The following GJA3 variants were observed in gnomAD, a reference collection of about 807,000 sequenced individuals.
GJA3 encodes gap junction alpha-3 protein.
For missense variants in GJA3, 571 were observed against 620.3 expected (o/e 0.92, Z 0.84); for synonymous variants, 297 against 292.6 (o/e 1.02, Z -0.15).
At chr13:20,148,781 G>A (rs1177777530) in intron 1 of GJA3, among the ~76,000 whole-genome samples, 1 of 152,250 alleles carries the variant, frequency 6.6e-6, no homozygotes, top group African/African-American at 2.4e-5. Flanking sequence ...ATCACCCACG[G>A]GGAGGCCCCC....
intron 1 of GJA3, among the ~76,000 whole-genome samples, chr13:20,145,368 A>G (rs147305502): frequency 6.6e-6 from 1 of 152,186 alleles, no homozygotes; most frequent in Admixed American, 6.5e-5. Context: ...GCATCCTCCC[A>G]GCCTCTCATC....
chr13:20,143,099 C>A lies in GJA3; in HGVS notation c.190G>T (p.Val64Phe). 6.2e-7 allele frequency: 1 copy of A among 1,613,952 alleles called. No homozygotes were observed. Among genetic ancestry groups the A allele is most frequent in the Non-Finnish European group, 8.5e-7 (1 of 1,179,928 alleles). Residue 64 changes from valine to phenylalanine, a missense_variant, in exon 2 of 2, where the codon GTC (valine) becomes TTC (phenylalanine). Val to Phe is a conservative substitution (Grantham distance 50). Transcript: ENST00000241125. The stretch of plus-strand genomic sequence containing the variant: ...ATGGGGAAGGCCCTGTCGTAGCAGA[C>A]GTTCTCGCAGCCCGGCTGCTGGGTG... ...CNTQQPGCEN[V>F]CYDRAFPISH...
At chr13:20,144,478 T>C (rs1181392142) in intron 1 of GJA3, among the ~76,000 whole-genome samples, 2 of 152,038 alleles carry the variant, frequency 1.3e-5, no homozygotes, top group Non-Finnish European at 2.9e-5. Context: ...TGCCCATGGG[T>C]GTTGGGCAGG....
rs746045543 is a variant in GJA3 at position 20,142,976 on chromosome 13, T to C, written c.313A>G (p.Lys105Glu). 5.7e-6 allele frequency: 9 copies of C among 1,589,926 alleles called. No homozygotes were observed. Among genetic ancestry groups the C allele is most frequent in the African/African-American group, 1.3e-5 (1 of 74,200 alleles). Residue 105 changes from lysine (K) to glutamate (E), a missense_variant, in exon 2 of 2, where the codon AAG becomes GAG. Transcript: ENST00000241125. ...TCCTCCTCCTCCCTCTCTTTCTTCT[T>C]CTCTTCCATGCGCACGATGTGCAGC... is the stretch of plus-strand genomic sequence containing the variant. The part of the protein sequence containing the change: ...HVLHIVRMEE[K>E]KKEREEEEQL...
At chr13:20,144,983 A>G (rs1320147100) in intron 1 of GJA3, among the ~76,000 whole-genome samples, 5 of 152,192 alleles carry the variant, frequency 3.3e-5, no homozygotes, top group African/African-American at 1.2e-4. Flanking sequence ...GAGTTCAAGA[A>G]TAGCCTGGCC....
At chr13:20,161,249 G>A (rs1412333896), upstream of GJA3, among the ~76,000 whole-genome samples, 1 of 152,152 alleles carries the variant, frequency 6.6e-6, no homozygotes, top group African/African-American at 2.4e-5. Context: ...CCTAGCGCCT[G>A]CATCCCCATC....
At position 20,140,981 on chromosome 13, in the gene GJA3, A is replaced by T. The variant is rs925113711; in HGVS notation, c.*1000T>A. 1 of 152,234 alleles carries T rather than the reference A, an allele frequency of 6.6e-6. No homozygotes were observed. Among genetic ancestry groups the T allele is most frequent in the African/African-American group, 2.4e-5 (1 of 41,458 alleles). 9.4% of individuals were successfully genotyped at this position (152,234 alleles called of 1,614,324 possible). A position where few individuals can be genotyped will look rare whatever the true frequency, so the allele number is the denominator to read the frequency against. ...CCCCTGCTTTTGTTTTATATAATAC[A>T]TTCTCATTATAATTAGGTGACTCAT... On this transcript the variant is annotated 3_prime_UTR_variant, in exon 2 of 2. Coordinates refer to ENST00000241125, the MANE Select transcript of GJA3 (RefSeq NM_021954.4).
At chr13:20,148,513 C>A (rs1263834617) in intron 1 of GJA3, among the ~76,000 whole-genome samples, 1 of 152,138 alleles carries the variant, frequency 6.6e-6, no homozygotes, top group Non-Finnish European at 1.5e-5. Flanking sequence ...CCTACCTTGG[C>A]CTCCTACAGT....
chr13:20,154,680 A>G (rs1040605743), intron 1 of GJA3, among the ~76,000 whole-genome samples: 1 of 152,180 alleles, frequency 6.6e-6, no homozygotes, highest in Non-Finnish European at 1.5e-5. Flanking sequence ...TTTAATTTTT[A>G]TCAGACTAAA....
Position 20,139,317 on chromosome 13 carries a change from G to C in GJA3, c.*2664C>G, listed in dbSNP as rs1029292075. 8 of 151,904 alleles carry C rather than the reference G, an allele frequency of 5.3e-5. No individual in the cohort carries two copies. The highest frequency in any genetic ancestry group is 1.5e-4 in the African/African-American group (6 of 41,328). The allele number at this position is 151,904 out of a possible 1,614,324, so 9.4% of individuals were successfully genotyped here. ...GCATTTGAGTTTTAAAATAGGCTTA[G>C]AGATTTTTTAAAACTTTCTAATGAA... On this transcript the variant is annotated 3_prime_UTR_variant, in exon 2 of 2. Transcript: ENST00000241125.
In GJA3 at chr13:20,138,383, T is replaced by C. The variant is rs1459270581; in HGVS notation, c.*3598A>G. 6.6e-6 allele frequency: 1 copy of C among 152,206 alleles called. No individual in the cohort carries two copies. The highest frequency in any genetic ancestry group is 1.5e-5 in the Non-Finnish European group (1 of 68,038). 9.4% of individuals were successfully genotyped at this position (152,206 alleles called of 1,614,324 possible). A position where few individuals can be genotyped will look rare whatever the true frequency, so the allele number is the denominator to read the frequency against. ...GAGTTTTGTAAATACATGAGCTAAA[T>C]GAACATTTACACACCAAACAGCTTC... On this transcript the variant is annotated 3_prime_UTR_variant, in exon 2 of 2. Transcript: ENST00000241125.
intron 1 of GJA3, among the ~76,000 whole-genome samples, chr13:20,160,244 G>C (rs1958929243): frequency 6.6e-6 from 1 of 152,168 alleles, no homozygotes; most frequent in African/African-American, 2.4e-5. Context: ...ATTCCTTATA[G>C]TTGAACACAT....
chr13:20,142,554 G>A lies in GJA3; in HGVS notation c.735C>T (p.Ala245=). 1 of 1,576,202 alleles carries A rather than the reference G, an allele frequency of 6.3e-7. No individual in the cohort carries two copies. Among genetic ancestry groups the A allele is most frequent in the South Asian group, 1.1e-5 (1 of 87,384 alleles). ...TSRLGPDASE[A]PLGTADPPPL... ...GCGGGGGATCGGCTGTCCCCAGCGG[G>A]GCCTCGGAGGCGTCCGGGCCGAGGC... The change falls in exon 2 of 2, where the codon GCC becomes GCT. Residue 245 remains alanine, a synonymous_variant. Coordinates refer to ENST00000241125, the MANE Select transcript of GJA3 (RefSeq NM_021954.4).
At chr13:20,152,866 GA>G (rs1183263983) in intron 1 of GJA3, among the ~76,000 whole-genome samples, 2 of 152,200 alleles carry the variant, frequency 1.3e-5, no homozygotes, top group East Asian at 3.8e-4. Context: ...TAATGTCTGT[GA>G]GGGTTTGGTA....
chr13:20,144,074 TAAAC>T (rs1958828877), intron 1 of GJA3, among the ~76,000 whole-genome samples: 1 of 152,176 alleles, frequency 6.6e-6, no homozygotes. Context: ...GGAGAGGTGT[TAAAC>T]AAACTAGTAT....
chr13:20,149,188 G>A (rs1958861871), intron 1 of GJA3, among the ~76,000 whole-genome samples: 1 of 150,162 alleles, frequency 6.7e-6, no homozygotes, highest in African/African-American at 2.5e-5. Flanking sequence ...GGTTTTGATG[G>A]CCACACAAGA....
chr13:20,150,505 A>G (rs947039689), intron 1 of GJA3, among the ~76,000 whole-genome samples: 5 of 152,248 alleles, frequency 3.3e-5, no homozygotes, highest in Non-Finnish European at 5.9e-5. Context: ...GCATCCCCAG[A>G]GAAGGCCACA....
intron 1 of GJA3, among the ~76,000 whole-genome samples, chr13:20,155,183 C>T (rs1057465894): frequency 6.6e-6 from 1 of 152,118 alleles, no homozygotes; most frequent in Non-Finnish European, 1.5e-5. Flanking sequence ...AATATCCTAG[C>T]ACATTCAATT....
chr13:20,149,929 C>T (rs1052848389), intron 1 of GJA3, among the ~76,000 whole-genome samples: 1 of 152,120 alleles, frequency 6.6e-6, no homozygotes, highest in Non-Finnish European at 1.5e-5. Flanking sequence ...GTGCTCTTCA[C>T]GAATGAGGCA....
Sources: gnomAD v4.1 joint callset for allele counts (sites outside exome capture counted in the v4.1 genomes callset) on GRCh38, gnomAD v4.1.1 for gene constraint, MANE v1.5 for transcripts, NCBI Gene and HGNC (gene_info 2026-07-23, HGNC 2026-07-21) for gene names.